PCLO: variants seen among roughly 807,000 people sequenced by gnomAD.
PCLO encodes protein piccolo.
In PCLO, 82 loss-of-function variants were observed where a neutral mutation model predicts 427.5. The ratio of observed to expected loss-of-function variants is 0.19; its 90% CI spans 0.16 to 0.23. The LOEUF (loss-of-function observed/expected upper bound fraction) is 0.23, where lower values mean the gene tolerates loss of function less well. PCLO is among the 10% of genes least tolerant of loss of function. PCLO has a pLI of 1.00. For synonymous variants in PCLO, 2,357 were observed against 2,155.4 expected, an observed-to-expected ratio of 1.09 and a Z score of -2.59; for missense variants, 6,239 against 6,115.9, an observed-to-expected ratio of 1.02 and a Z score of -0.67.
chr7:83,032,075 G>GT (rs1170011744), intron 3 of PCLO, among the ~76,000 whole-genome samples: 1 of 152,010 alleles, frequency 6.6e-6, no homozygotes, highest in African/African-American at 2.4e-5. Flanking sequence ...TACTAAAATT[G>GT]TGACTGTCAT....
At chr7:82,764,375 G>A (rs6942443) in intron 22 of PCLO, among the ~76,000 whole-genome samples, 3,311 of 151,816 alleles carry the variant, frequency 0.022, 127 homozygotes, top group African/African-American at 0.076. Flanking sequence ...AGGCCAAGTG[G>A]AGAAATATCA....
Position 82,908,998 on chromosome 7 carries a change from C to T in PCLO, c.13316G>A (p.Arg4439His), listed in dbSNP as rs371995456. Residue 4439 changes from arginine (R) to histidine (H), a missense_variant, in exon 8 of 25, where the codon CGT becomes CAT. Arg to His is a conservative substitution (Grantham distance 29). This residue lies in a region of PCLO where 877 missense variants were observed against 925.5 expected (regional missense o/e 0.95). Coordinates refer to ENST00000333891, the MANE Select transcript of PCLO (RefSeq NM_033026.6). ...MSDSEAYHLR[R>H]EETDWFDKPR... The stretch of plus-strand genomic sequence containing the variant: ...TTTATCAAACCAATCTGTTTCCTCA[C>T]GACGCAGATGATAGGCTTTGGACAC... 9.3e-6 allele frequency: 15 copies of T among 1,612,470 alleles called. No individual in the cohort carries two copies. Among genetic ancestry groups the T allele is most frequent in the South Asian group, 4.4e-5 (4 of 91,068 alleles).
In PCLO at chr7:82,944,785, A is replaced by G. The variant is rs1444976204; in HGVS notation, c.11112+4691T>C. ...GATATTTGCCAAATGTCCATCTGAG[A>G]AAAAGAGAATCCACATTGCTGGATA... On this transcript the variant is annotated intron_variant, in intron 6 of 24. Transcript: ENST00000333891. 2.0e-5 allele frequency among the ~76,000 whole-genome samples: 3 copies of G among 152,336 alleles called. No individual in the cohort carries two copies. The South Asian group carries it at 6.2e-4, about 32-fold the overall frequency.
chr7:82,834,751 T>C (rs967462166), intron 16 of PCLO, among the ~76,000 whole-genome samples: 1 of 152,134 alleles, frequency 6.6e-6, no homozygotes, highest in Non-Finnish European at 1.5e-5. Flanking sequence ...ATGATGCAAC[T>C]TGTCATGAGC....
intron 10 of PCLO, among the ~76,000 whole-genome samples, 161 bp from the exon 11 acceptor site, chr7:82,847,408 T>C (rs147192777): frequency 1.4e-4 from 21 of 152,298 alleles, no homozygotes; most frequent in African/African-American, 5.1e-4. Context: ...AAAACCATTA[T>C]GTAGTTTGAT....
intron 10 of PCLO, among the ~76,000 whole-genome samples, chr7:82,866,696 A>ACT (rs1554344142): frequency 7.1e-6 from 1 of 140,438 alleles, no homozygotes; most frequent in Non-Finnish European, 1.6e-5. Flanking sequence ...ACACACACAC[A>ACT]CCCCTTTAAT....
intron 3 of PCLO, among the ~76,000 whole-genome samples, chr7:83,066,023 T>C (rs1682804907): frequency 6.6e-6 from 1 of 152,110 alleles, no homozygotes; most frequent in Non-Finnish European, 1.5e-5. Flanking sequence ...ACAGGACTAG[T>C]AAAGGGAATG....
At chr7:82,905,992 G>A (rs184565779) in intron 8 of PCLO, among the ~76,000 whole-genome samples, 2 of 150,276 alleles carry the variant, frequency 1.3e-5, no homozygotes, top group Admixed American at 6.7e-5. Context: ...ACCGAAGAAG[G>A]CAGAGGTTAA....
chr7:82,928,154 T>C lies in PCLO; in HGVS notation c.11113-11281A>G, dbSNP rs189765743. ...AATTTAGAATCGCATTATTGAATAA[T>C]ATAGACAGGTTTCTAATTGTTCTTT... On this transcript the variant is annotated intron_variant, in intron 6 of 24. Coordinates refer to ENST00000333891, the MANE Select transcript of PCLO (RefSeq NM_033026.6). Among the ~76,000 whole-genome samples the C allele has an allele frequency of 5.9e-5, 9 of 152,270 alleles. No individual in the cohort carries two copies. In the East Asian group the frequency reaches 1.7e-3, roughly 29 times the overall value.
chr7:82,956,175 T>G lies in PCLO; in HGVS notation c.4778A>C (p.Lys1593Thr). The G allele has an allele frequency of 6.2e-7, 1 of 1,609,298 alleles. No individual in the cohort carries two copies. Among genetic ancestry groups the G allele is most frequent in the Non-Finnish European group, 8.5e-7 (1 of 1,179,860 alleles). The change falls in exon 5 of 25, where the codon AAG becomes ACG. Residue 1593 changes from lysine to threonine, a missense_variant. By Grantham distance (78) the Lys-to-Thr change is moderately conservative. This residue lies in a region of PCLO where 4,677 missense variants were observed against 4,468.4 expected (regional missense o/e 1.05). Transcript: ENST00000333891. ...GCCTTTTCCCTTTGTTTCTTCCTTCTTCTGGCTCTCAGTACTGCTACTAAT... is the reference window on the plus strand; with the variant it reads ...GCCTTTTCCCTTTGTTTCTTCCTTCGTCTGGCTCTCAGTACTGCTACTAAT... ...KEISSSTESQ[K>T]KEETKGKGKI...
At chr7:82,957,876 A>T (rs1359539794) in intron 4 of PCLO, among the ~76,000 whole-genome samples, 1 of 152,242 alleles carries the variant, frequency 6.6e-6, no homozygotes, top group Non-Finnish European at 1.5e-5. Context: ...GCAACACACC[A>T]CAACCTTGAA....
Position 82,916,042 on chromosome 7 carries a change from G to A in PCLO, c.11944C>T (p.Arg3982Cys), listed in dbSNP as rs1584147525. ...PKITSNYEVI[R>C]NQPLMIAPVS... ...GGTGCTATCATAAGGGGTTGGTTGC[G>A]AATCACTTCATAGTTTGAGGTTATC... is the stretch of plus-strand genomic sequence containing the variant. The change falls in exon 7 of 25, where the codon CGC (arginine) becomes TGC (cysteine). Residue 3982 changes from arginine to cysteine, a missense_variant. By Grantham distance (180) the Arg-to-Cys change is radical (BLOSUM62 -3). Around this residue, in one of 5 missense-constraint regions of PCLO, gnomAD observed 680 missense variants for 677.3 expected, o/e 1.00. Coordinates refer to ENST00000333891, the MANE Select transcript of PCLO (RefSeq NM_033026.6). 1 of 1,612,778 alleles carries A rather than the reference G, an allele frequency of 6.2e-7. No individual in the cohort carries two copies. Among genetic ancestry groups the A allele is most frequent in the Admixed American group, 1.7e-5 (1 of 59,962 alleles).
chr7:82,852,312 A>T (rs1792684267), intron 10 of PCLO, among the ~76,000 whole-genome samples: 1 of 152,108 alleles, frequency 6.6e-6, no homozygotes, highest in Admixed American at 6.6e-5. Context: ...GGTGTTGCCA[A>T]ATCAGATTAA....
In PCLO at chr7:83,149,981, G is replaced by A. The variant is rs17148171; in HGVS notation, c.1893+4767C>T. 5.4e-4 allele frequency among the ~76,000 whole-genome samples: 82 copies of A among 152,010 alleles called. 1 individual carries two copies. Among genetic ancestry groups the A allele is most frequent in the African/African-American group, 1.9e-3 (78 of 41,450 alleles). Reference sequence around the variant, plus strand: ...CTTCTGCCAAAAGACTTATATATGTGCCATAATGACTAAAAAAAAAATGGC... The same window carrying A: ...CTTCTGCCAAAAGACTTATATATGTACCATAATGACTAAAAAAAAAATGGC... On this transcript the variant is annotated intron_variant, in intron 2 of 24. Transcript: ENST00000333891.
Position 83,156,458 on chromosome 7 carries a change from A to C in PCLO, c.249-66T>G. 2.8e-6 allele frequency: 3 copies of C among 1,064,214 alleles called. No individual in the cohort carries two copies. In the South Asian group the frequency reaches 5.5e-5, roughly 19 times the overall value. 65.9% of individuals were successfully genotyped at this position (1,064,214 alleles called of 1,614,324 possible). A position where few individuals can be genotyped will look rare whatever the true frequency, so the allele number is the denominator to read the frequency against. On this transcript the variant is annotated intron_variant, in intron 1 of 24. Transcript: ENST00000333891. ...AATGGAAATTATTTCAAATCAAAGT[A>C]ATACAAAAAACCTATTGCTTATATC...
intron 6 of PCLO, among the ~76,000 whole-genome samples, chr7:82,945,212 A>C (rs1036598081): frequency 6.6e-6 from 1 of 152,168 alleles, no homozygotes; most frequent in Non-Finnish European, 1.5e-5. Context: ...TAAATTTGTA[A>C]GAGTAAGTAG....
intron 3 of PCLO, among the ~76,000 whole-genome samples, chr7:82,993,165 T>A (rs1257692332): frequency 1.3e-5 from 2 of 152,046 alleles, no homozygotes; most frequent in Non-Finnish European, 2.9e-5. Flanking sequence ...ATATATTCAA[T>A]GCAACTTAAT....
chr7:82,882,401 C>T (rs1285513118), intron 9 of PCLO, among the ~76,000 whole-genome samples: 1 of 152,110 alleles, frequency 6.6e-6, no homozygotes, highest in Non-Finnish European at 1.5e-5. Flanking sequence ...GGTCATCTCT[C>T]TGCTTTTGTT....
chr7:83,156,026 T>C lies in PCLO; in HGVS notation c.615A>G (p.Gly205=). 1 of 1,613,640 alleles carries C rather than the reference T, an allele frequency of 6.2e-7. No individual in the cohort carries two copies. The highest frequency in any genetic ancestry group is 1.1e-5 in the South Asian group (1 of 91,024). ...GTTGTTGTAAAGGAGGTTTTATGATTCCTTCAGGTTTTCCTTGCTCCTTCT... is the reference window on the plus strand; with the variant it reads ...GTTGTTGTAAAGGAGGTTTTATGATCCCTTCAGGTTTTCCTTGCTCCTTCT... ...VVQKEQGKPE[G]IIKPPLQQQP... is the part of the protein sequence containing the mutation. Residue 205 remains glycine, a synonymous_variant, in exon 2 of 25, where the codon GGA becomes GGG. Coordinates refer to ENST00000333891, the MANE Select transcript of PCLO (RefSeq NM_033026.6).
Sources: allele counts gnomAD v4.1 joint callset (sites outside exome capture counted in the v4.1 genomes callset), GRCh38; gene constraint gnomAD v4.1.1; regional missense constraint gnomAD v4.1.1; transcripts MANE v1.5; gene names NCBI Gene and HGNC (gene_info 2026-07-23, HGNC 2026-07-21).